Variants in AXIN2 observed in about 807,000 individuals in gnomAD.
AXIN2 encodes the protein axin-2.
A neutral mutation model predicts 74.7 loss-of-function variants in AXIN2; 21 were observed. The ratio of observed to expected loss-of-function variants is 0.28; its 90% CI spans 0.20 to 0.40. The LOEUF is 0.40. Ranked by LOEUF, AXIN2 falls within the 10% of genes least tolerant of loss-of-function variation. AXIN2 has a pLI of 1.00. For synonymous variants in AXIN2, 532 were observed against 454.9 expected (o/e 1.17, Z -2.16); for missense variants, 1,144 against 1,111.1 (o/e 1.03, Z -0.42).
Position 65,533,929 on chromosome 17 carries a change from G to A in AXIN2, c.2388C>T (p.Ser796=). The A allele has an allele frequency of 6.2e-7, 1 of 1,607,540 alleles. No homozygotes were observed. Among genetic ancestry groups the A allele is most frequent in the South Asian group, 1.1e-5 (1 of 91,012 alleles). ...ACTCTTACCTATAATTTCCCTTTTT[G>A]CTGAGCTGCTCTTTAAAGTGGCCCA... ...LTLGHFKEQL[S]KKGNYRYYFK... Residue 796 remains serine, a synonymous_variant, in exon 10 of 11, where the codon AGC becomes AGT. Coordinates refer to ENST00000307078, the MANE Select transcript of AXIN2 (RefSeq NM_004655.4).
intron 1 of AXIN2, 161 bp downstream of exon 1, chr17:65,561,289 G>T (rs1408378996): frequency 1.7e-5 from 2 of 118,478 alleles, no homozygotes; most frequent in East Asian, 6.0e-4. Flanking sequence ...CCACCGCTCC[G>T]CAGGGCCGCC....
At chr17:65,530,414 T>TC (rs1164335720) in intron 10 of AXIN2, among the ~76,000 whole-genome samples, 10 of 152,170 alleles carry the variant, frequency 6.6e-5, no homozygotes, top group East Asian at 1.9e-4. Context: ...AGAGCTGCTT[T>TC]CCCCCCGCCA....
rs1439873123 is a variant in AXIN2 at position 65,558,635 on chromosome 17, TC to T, written c.-16del. 1.4e-5 allele frequency: 23 copies of T among 1,601,092 alleles called. No individual in the cohort carries two copies. The highest frequency in any genetic ancestry group is 1.9e-5 in the Non-Finnish European group (22 of 1,179,240). ...GCGCTACTCATGGTGAGGGAGCTCT[TC>T]CCACTGAGTCTGGGAATTTTTCTTC... On this transcript the variant is annotated 5_prime_UTR_variant, in exon 2 of 11. Coordinates refer to ENST00000307078, the MANE Select transcript of AXIN2 (RefSeq NM_004655.4).
In AXIN2 at chr17:65,534,122, A is replaced by G. The variant is rs370922228; in HGVS notation, c.2238-43T>C. ...TGGAACAAGTTTAGCATTTTAAAGC[A>G]GACACACATCTAAAGCAAACACACA... On this transcript the variant is annotated intron_variant, in intron 9 of 10. Coordinates refer to ENST00000307078, the MANE Select transcript of AXIN2 (RefSeq NM_004655.4). The G allele has an allele frequency of 5.8e-5, 94 of 1,610,470 alleles. No homozygotes were observed. Among genetic ancestry groups the G allele is most frequent in the Non-Finnish European group, 7.6e-5 (89 of 1,176,784 alleles).
intron 3 of AXIN2, among the ~76,000 whole-genome samples, chr17:65,542,221 G>A (rs2044054404): frequency 6.6e-6 from 1 of 152,116 alleles, no homozygotes; most frequent in Non-Finnish European, 1.5e-5. Flanking sequence ...TGACCAATGT[G>A]GGCATGAAGA....
chr17:65,530,954 C>A (rs2043805367), intron 10 of AXIN2, among the ~76,000 whole-genome samples: 1 of 152,216 alleles, frequency 6.6e-6, no homozygotes, highest in African/African-American at 2.4e-5. Context: ...CAACTGCTGT[C>A]CTCTTGGGCC....
chr17:65,532,270 C>A (rs2043834620), intron 10 of AXIN2, among the ~76,000 whole-genome samples: 1 of 152,218 alleles, frequency 6.6e-6, no homozygotes, highest in South Asian at 2.1e-4. Context: ...GAGGCACTTT[C>A]CCCACAAGCC....
At chr17:65,550,477 A>G (rs1258904191) in intron 2 of AXIN2, among the ~76,000 whole-genome samples, 1 of 152,138 alleles carries the variant, frequency 6.6e-6, no homozygotes, top group Non-Finnish European at 1.5e-5. Flanking sequence ...CAGTGTGCAC[A>G]TCTCCTGCTG....
Position 65,538,217 on chromosome 17 carries a change from G to C in AXIN2, c.1186C>G (p.Gln396Glu), listed in dbSNP as rs759917468. Residue 396 changes from glutamine to glutamate, a missense_variant, in exon 5 of 11, where the codon CAG becomes GAG. Coordinates refer to ENST00000307078, the MANE Select transcript of AXIN2 (RefSeq NM_004655.4). ...ESRHSLEERLQQIREDEEREG... is the reference protein window; with the variant it reads ...ESRHSLEERLEQIREDEEREG... The stretch of plus-strand genomic sequence containing the variant: ...GGCCGCATTACCTCTCGGATCTGCT[G>C]CAGGCGCTCCTCCAGGCTGTGGCGG... The C allele has an allele frequency of 6.2e-7, 1 of 1,614,248 alleles. No homozygotes were observed. Among genetic ancestry groups the C allele is most frequent in the Non-Finnish European group, 8.5e-7 (1 of 1,180,052 alleles).
chr17:65,558,740 G>T lies in AXIN2; in HGVS notation c.-116-4C>A, dbSNP rs1389029623. On this transcript the variant is annotated splice_polypyrimidine_tract_variant and splice_region_variant and intron_variant, in intron 1 of 10. Transcript: ENST00000307078. ...GGGGCTCATCTGAACCTCCTCTCTG[G>T]AAAGAAAAGGAAGGGGGGAGGTGGG... is the stretch of plus-strand genomic sequence containing the variant. 3 of 1,016,180 alleles carry T rather than the reference G, an allele frequency of 3.0e-6. No homozygotes were observed. The East Asian group carries it at 7.8e-5, about 26-fold the overall frequency. 62.9% of individuals were successfully genotyped at this position (1,016,180 alleles called of 1,614,324 possible). A position where few individuals can be genotyped will look rare whatever the true frequency, so the allele number is the denominator to read the frequency against.
At position 65,558,426 on chromosome 17, in the gene AXIN2, C is replaced by T. The variant is rs748515719; in HGVS notation, c.195G>A (p.Pro65=). The change falls in exon 2 of 11, where the codon CCG becomes CCA. Residue 65 remains proline, a synonymous_variant. Transcript: ENST00000307078. The part of the protein sequence containing the change: ...TRRNEDGLGE[P]EGRASPDSPL... ...GGGAATCCGGAGATGCCCGCCCCTCCGGCTCCCCCAACCCATCTTCGTTCC... is the reference window on the plus strand; with the variant it reads ...GGGAATCCGGAGATGCCCGCCCCTCTGGCTCCCCCAACCCATCTTCGTTCC... The T allele has an allele frequency of 1.9e-6, 3 of 1,599,732 alleles. No homozygotes were observed. Among genetic ancestry groups the T allele is most frequent in the Non-Finnish European group, 2.6e-6 (3 of 1,171,012 alleles).
Position 65,549,564 on chromosome 17 carries a change from A to G in AXIN2, c.912T>C (p.Ser304=). ...ATSANDSEIS[S]DALTDDSMSM... ...ACATGGAATCATCCGTCAGCGCATC[A>G]CTGGATATCTCACTGTCGTTGGCGC... The change falls in exon 3 of 11, where the codon AGT becomes AGC. Residue 304 remains serine (S), a synonymous_variant. Transcript: ENST00000307078. 6.2e-7 allele frequency: 1 copy of G among 1,611,246 alleles called. No individual in the cohort carries two copies. Among genetic ancestry groups the G allele is most frequent in the Non-Finnish European group, 8.5e-7 (1 of 1,178,790 alleles).
rs1040027666 is a variant in AXIN2 at position 65,537,410 on chromosome 17, G to A, written c.1626C>T (p.Phe542=). ...EAEATQRVHC[F]CPGGSEYYCY... ...AGTAATACTCGCTGCCCCCAGGGCA[G>A]AAGCAGTGCACCCGCTGCGTGGCCT... Residue 542 remains phenylalanine, a synonymous_variant, in exon 6 of 11, where the codon TTC becomes TTT. Coordinates refer to ENST00000307078, the MANE Select transcript of AXIN2 (RefSeq NM_004655.4). 1.2e-6 allele frequency: 2 copies of A among 1,614,122 alleles called. No individual in the cohort carries two copies. The highest frequency in any genetic ancestry group is 1.7e-6 in the Non-Finnish European group (2 of 1,180,038).
chr17:65,537,667 C>T lies in AXIN2; in HGVS notation c.1369G>A (p.Val457Ile), dbSNP rs778612433. The change falls in exon 6 of 11, where the codon GTA (valine) becomes ATA (isoleucine). Residue 457 changes from valine (V) to isoleucine (I), a missense_variant. Physicochemically the swap from Val to Ile is conservative, Grantham distance 29. Coordinates refer to ENST00000307078, the MANE Select transcript of AXIN2 (RefSeq NM_004655.4). ...LKTPGCQSPG[V>I]GRYSPRSRSP... The stretch of plus-strand genomic sequence containing the variant: ...CGGGAGCGGGGGCTATAGCGGCCTA[C>T]GCCTGGAGACTGGCAGCCAGGGGTC... The T allele has an allele frequency of 1.9e-5, 30 of 1,562,290 alleles. No individual in the cohort carries two copies. Among genetic ancestry groups the T allele is most frequent in the Non-Finnish European group, 2.5e-5 (29 of 1,155,346 alleles).
At chr17:65,537,925 A>G (rs1356035811) in intron 5 of AXIN2, 90 bp from the exon 6 acceptor site, 25 of 1,466,180 alleles carry the variant, frequency 1.7e-5, no homozygotes, top group Non-Finnish European at 2.1e-5. Context: ...CCTACGCAGG[A>G]GCACGCACAC....
At chr17:65,545,884 G>A (rs563861271) in intron 3 of AXIN2, among the ~76,000 whole-genome samples, 10 of 152,124 alleles carry the variant, frequency 6.6e-5, no homozygotes, top group Non-Finnish European at 1.3e-4. Context: ...AACCAACCAA[G>A]TGCAGGCCAG....
chr17:65,552,042 T>A (rs2044201254), intron 2 of AXIN2, among the ~76,000 whole-genome samples: 1 of 152,192 alleles, frequency 6.6e-6, no homozygotes, highest in Non-Finnish European at 1.5e-5. Context: ...TCCTGGGATT[T>A]TTTTGGTGAA....
rs112620851 is a variant in AXIN2 at position 65,536,753 on chromosome 17, C to T, written c.1907+116G>A. 0.061 allele frequency: 90,838 copies of T among 1,489,944 alleles called. 3,118 individuals carry two copies. The highest frequency in any genetic ancestry group is 0.11 in the South Asian group (9,622 of 87,666). 92.3% of individuals were successfully genotyped at this position (1,489,944 alleles called of 1,614,324 possible). A position where few individuals can be genotyped will look rare whatever the true frequency, so the allele number is the denominator to read the frequency against. On this transcript the variant is annotated intron_variant, in intron 7 of 10. Coordinates refer to ENST00000307078, the MANE Select transcript of AXIN2 (RefSeq NM_004655.4). ...AGTCCAACGTTTAATATTAAGATGG[C>T]AGGAGCAAATAGTCACATTTGTATT...
intron 2 of AXIN2, among the ~76,000 whole-genome samples, chr17:65,550,144 C>T (rs1188056953): frequency 1.3e-5 from 2 of 152,216 alleles, no homozygotes; most frequent in Non-Finnish European, 2.9e-5. Flanking sequence ...TAGCCCAGTC[C>T]AGAGATGCAA....
Sources: gnomAD v4.1 joint callset for allele counts (sites outside exome capture counted in the v4.1 genomes callset) on GRCh38, gnomAD v4.1.1 for gene constraint, MANE v1.5 for transcripts, NCBI Gene and HGNC (gene_info 2026-07-23, HGNC 2026-07-21) for gene names.